Variants in NCOR1 observed in about 807,000 individuals in gnomAD.
NCOR1 encodes the protein protein phosphatase 1, regulatory subunit 109.
NCOR1 carries 63 observed loss-of-function variants against 288.1 expected under a neutral mutation model. The observed-to-expected ratio is 0.22, with a 90% CI of 0.18 to 0.27. The LOEUF (loss-of-function observed/expected upper bound fraction) is 0.27, where lower values mean the gene tolerates loss of function less well. Ranked by LOEUF, NCOR1 falls within the 10% of genes least tolerant of loss-of-function variation. The pLI, the probability that NCOR1 is intolerant of heterozygous loss-of-function variation, is 1.00. For missense variants in NCOR1, 2,397 were observed against 3,019.2 expected, an observed-to-expected ratio of 0.79 and a Z score of 4.83; for synonymous variants, 1,007 against 1,065.9, an observed-to-expected ratio of 0.94 and a Z score of 1.08.
intron 45 of NCOR1, 129 bp from the exon 46 acceptor site, chr17:16,032,612 A>T (rs1972327793): frequency 1.2e-6 from 1 of 829,260 alleles, no homozygotes; most frequent in South Asian, 2.0e-5. Flanking sequence ...AAGCAAAATG[A>T]ATACAACACG....
chr17:16,036,309 A>C (rs1019768397), intron 44 of NCOR1, among the ~76,000 whole-genome samples: 8 of 152,226 alleles, frequency 5.3e-5, no homozygotes, highest in African/African-American at 1.9e-4. Context: ...TCAGCAAGCC[A>C]TTCTGTAAAC....
intron 14 of NCOR1, among the ~76,000 whole-genome samples, chr17:16,131,911 A>T (rs10451230): frequency 0.58 from 88,268 of 152,064 alleles, 26,236 homozygotes; most frequent in African/African-American, 0.67. Flanking sequence ...AGTATCACTG[A>T]CCCCACTCTC....
At chr17:16,110,165 C>T (rs187201073) in intron 18 of NCOR1, among the ~76,000 whole-genome samples, 8 of 152,024 alleles carry the variant, frequency 5.3e-5, no homozygotes, top group East Asian at 1.9e-4. Flanking sequence ...GATTAGCCTG[C>T]GCAACAAAGT....
chr17:16,154,682 T>C (rs910018804), intron 6 of NCOR1, among the ~76,000 whole-genome samples: 3 of 152,206 alleles, frequency 2.0e-5, no homozygotes, highest in Non-Finnish European at 2.9e-5. Flanking sequence ...CAATAAAGGC[T>C]TCGGCTATTC....
intron 1 of NCOR1, among the ~76,000 whole-genome samples, chr17:16,214,479 G>A (rs980309436): frequency 1.3e-5 from 2 of 152,182 alleles, no homozygotes; most frequent in African/African-American, 4.8e-5. Context: ...TATAATTAGA[G>A]AAGCAAATCT....
intron 17 of NCOR1, 99 bp downstream of exon 17, chr17:16,119,324 T>C (rs1042396708): frequency 4.6e-6 from 4 of 868,814 alleles, no homozygotes; most frequent in Non-Finnish European, 5.3e-6. Flanking sequence ...TTTGAAAGAA[T>C]TTTTTTTCCA....
intron 14 of NCOR1, among the ~76,000 whole-genome samples, chr17:16,135,999 C>G (rs980686350): frequency 6.6e-6 from 1 of 152,158 alleles, no homozygotes; most frequent in East Asian, 1.9e-4. Context: ...CGGGTGTAGA[C>G]AGCAAAAGCC....
At chr17:16,137,184 C>T in intron 14 of NCOR1, 127 bp downstream of exon 14, 1 of 516,822 alleles carries the variant, frequency 1.9e-6, no homozygotes, top group South Asian at 3.4e-5. Context: ...TTATAACATC[C>T]TCACTAATTT....
intron 37 of NCOR1, among the ~76,000 whole-genome samples, chr17:16,060,784 GTTCT>G (rs2060472010): frequency 6.6e-6 from 1 of 152,078 alleles, no homozygotes; most frequent in Admixed American, 6.6e-5. Flanking sequence ...ATACTTGCTT[GTTCT>G]TTCTGCAATT....
chr17:16,181,450 TG>T (rs1250251483), intron 3 of NCOR1, among the ~76,000 whole-genome samples: 2 of 148,782 alleles, frequency 1.3e-5, no homozygotes, highest in Non-Finnish European at 3.0e-5. Flanking sequence ...GTTCACTGGT[TG>T]GGGATAGAGA....
chr17:16,190,754 C>A (rs1200933654), intron 2 of NCOR1, among the ~76,000 whole-genome samples: 1 of 152,224 alleles, frequency 6.6e-6, no homozygotes, highest in Non-Finnish European at 1.5e-5. Context: ...GCAGGTAACA[C>A]TGCTCAGAAT....
At chr17:16,098,135 C>T (rs532057539) in intron 21 of NCOR1, among the ~76,000 whole-genome samples, 7 of 152,258 alleles carry the variant, frequency 4.6e-5, no homozygotes, top group Admixed American at 2.6e-4. Context: ...TAATTAATTT[C>T]GCATTCGAAA....
chr17:16,089,239 A>G (rs2064773844), intron 22 of NCOR1, among the ~76,000 whole-genome samples: 1 of 152,060 alleles, frequency 6.6e-6, no homozygotes. Context: ...TAAACATGCA[A>G]CAAACTAGGG....
chr17:16,112,602 T>C (rs980000084), intron 18 of NCOR1, among the ~76,000 whole-genome samples: 1 of 152,176 alleles, frequency 6.6e-6, no homozygotes, highest in African/African-American at 2.4e-5. Flanking sequence ...TTCAAGTGAT[T>C]CTACTGGCCT....
intron 2 of NCOR1, among the ~76,000 whole-genome samples, chr17:16,187,433 GAACA>G (rs1179525162): frequency 1.3e-5 from 2 of 150,024 alleles, no homozygotes; most frequent in East Asian, 2.0e-4. Context: ...ATCAACTAAT[GAACA>G]AATAAACAAA....
Position 16,032,274 on chromosome 17 carries a change from T to C in NCOR1, c.*22A>G, listed in dbSNP as rs2151752268. 6.3e-7 allele frequency: 1 copy of C among 1,587,880 alleles called. No homozygotes were observed. ...AACTAGAGATCCCTCTCCTGCACCC[T>C]GTTCCCCTCACTTTGTGCAGTTCAG... On this transcript the variant is annotated 3_prime_UTR_variant, in exon 46 of 46. Transcript: ENST00000268712.
chr17:16,167,496 C>A (rs2082236495), intron 4 of NCOR1, among the ~76,000 whole-genome samples: 1 of 151,772 alleles, frequency 6.6e-6, no homozygotes. Context: ...ATCTTGGGTT[C>A]AGGAAGGCCA....
intron 2 of NCOR1, among the ~76,000 whole-genome samples, chr17:16,193,704 G>A (rs541197470): frequency 6.6e-6 from 1 of 152,138 alleles, no homozygotes; most frequent in South Asian, 2.1e-4. Context: ...CAACAAAAAC[G>A]TGCAACTAAC....
At position 16,199,214 on chromosome 17, in the gene NCOR1, AAAACACAC is replaced by A. The variant is rs984388688; in HGVS notation, c.-70-4583_-70-4576del. 1.2e-4 allele frequency among the ~76,000 whole-genome samples: 13 copies of A among 111,748 alleles called. 1 individual carries two copies. Among genetic ancestry groups the A allele is most frequent in the African/African-American group, 4.5e-4 (13 of 29,122 alleles). 73.3% of individuals were successfully genotyped at this position (111,748 alleles called of 152,430 possible). A position where few individuals can be genotyped will look rare whatever the true frequency, so the allele number is the denominator to read the frequency against. On this transcript the variant is annotated intron_variant, in intron 1 of 45. Coordinates refer to ENST00000268712, the MANE Select transcript of NCOR1 (RefSeq NM_006311.4). ...CGCCCAATACAGAAGGAAAAAAAAAAAAACACACACACACACACACACACACACACTAG... is the reference window on the plus strand; with the variant it reads ...CGCCCAATACAGAAGGAAAAAAAAAAACACACACACACACACACACACTAG...
Sources: gnomAD v4.1 joint callset for allele counts (sites outside exome capture counted in the v4.1 genomes callset) on GRCh38, gnomAD v4.1.1 for gene constraint, MANE v1.5 for transcripts, NCBI Gene and HGNC (gene_info 2026-07-23, HGNC 2026-07-21) for gene names.